SNTG2: variants seen among roughly 807,000 people sequenced by gnomAD.
SNTG2 encodes syntrophin gamma 2.
SNTG2 carries 74 observed loss-of-function variants against 70.9 expected under a neutral mutation model. The observed-to-expected ratio is 1.04, with a 90% CI of 0.86 to 1.27. The LOEUF (loss-of-function observed/expected upper bound fraction) is 1.27. Ranked by LOEUF, SNTG2 falls within the 50% of genes most tolerant of loss-of-function variation. The probability of loss-of-function intolerance (pLI) is 0.00; values close to 1 mark genes in which losing one functional copy is unlikely to be tolerated. For synonymous variants in SNTG2, 278 were observed against 273.8 expected (o/e 1.02, Z -0.15); for missense variants, 717 against 690.7 (o/e 1.04, Z -0.43).
At chr2:1,288,776 A>G (rs552370925) in intron 14 of SNTG2, among the ~76,000 whole-genome samples, 7 of 152,284 alleles carry the variant, frequency 4.6e-5, no homozygotes, top group East Asian at 1.9e-4. Flanking sequence ...ATGCACACTC[A>G]TGCACATTCA....
intron 11 of SNTG2, among the ~76,000 whole-genome samples, chr2:1,243,456 G>A (rs1319339371): frequency 6.6e-6 from 1 of 152,120 alleles, no homozygotes; most frequent in Non-Finnish European, 1.5e-5. Flanking sequence ...CCTTGATCAA[G>A]TTCTCCTCCA....
intron 1 of SNTG2, among the ~76,000 whole-genome samples, chr2:1,065,396 C>T (rs929936314): frequency 6.6e-6 from 1 of 152,122 alleles, no homozygotes; most frequent in Non-Finnish European, 1.5e-5. Context: ...TAATTGGAAT[C>T]GCCCCTGGCA....
At chr2:1,158,855 C>T (rs980080513) in intron 6 of SNTG2, among the ~76,000 whole-genome samples, 7 of 152,040 alleles carry the variant, frequency 4.6e-5, no homozygotes, top group South Asian at 2.1e-4. Flanking sequence ...CGGAGCACAC[C>T]GGAAGACAGG....
intron 4 of SNTG2, 46 bp from the exon 5 acceptor site, chr2:1,137,576 C>A: frequency 2.5e-6 from 4 of 1,599,728 alleles, no homozygotes; most frequent in Non-Finnish European, 3.4e-6. Flanking sequence ...CAAAGCATGT[C>A]ACTGAGATTT....
intron 1 of SNTG2, among the ~76,000 whole-genome samples, chr2:1,041,606 T>C (rs557417318): frequency 6.6e-6 from 1 of 152,272 alleles, no homozygotes; most frequent in Admixed American, 6.5e-5. Flanking sequence ...TCACGAGATC[T>C]GGTTGAGTAA....
At chr2:1,298,243 G>C (rs151115407) in intron 14 of SNTG2, among the ~76,000 whole-genome samples, 1 of 151,862 alleles carries the variant, frequency 6.6e-6, no homozygotes, top group Non-Finnish European at 1.5e-5. Flanking sequence ...AGAGAGTCTC[G>C]TGTCTCAACC....
intron 1 of SNTG2, among the ~76,000 whole-genome samples, chr2:997,189 A>C (rs1486379770): frequency 6.6e-6 from 1 of 152,232 alleles, no homozygotes; most frequent in Non-Finnish European, 1.5e-5. Flanking sequence ...GATATAGAGC[A>C]GAAGGATATG....
intron 14 of SNTG2, among the ~76,000 whole-genome samples, chr2:1,308,173 C>T (rs1680796971): frequency 6.6e-6 from 1 of 152,178 alleles, no homozygotes. Context: ...CAGTGGTTTA[C>T]TGTGTTTTCA....
At chr2:996,465 C>T (rs907384303) in intron 1 of SNTG2, among the ~76,000 whole-genome samples, 1 of 152,010 alleles carries the variant, frequency 6.6e-6, no homozygotes, top group African/African-American at 2.4e-5. Context: ...TAAACATAAA[C>T]ATTTCTTGTG....
rs115748860 is a variant in SNTG2 at position 1,135,435 on chromosome 2, C to G, written c.326-2187C>G. Among the ~76,000 whole-genome samples, 1,468 of 152,196 alleles carry G rather than the reference C, an allele frequency of 9.6e-3. 33 individuals carry two copies. Among genetic ancestry groups the G allele is most frequent in the African/African-American group, 0.033 (1,389 of 41,528 alleles). On this transcript the variant is annotated intron_variant, in intron 4 of 16. Coordinates refer to ENST00000308624, the MANE Select transcript of SNTG2 (RefSeq NM_018968.4). ...AGGTATCATTTTAAAAACACATTACCTCGGCCAGGCGTGGTGGCTCACGCC... is the reference window on the plus strand; with the variant it reads ...AGGTATCATTTTAAAAACACATTACGTCGGCCAGGCGTGGTGGCTCACGCC...
intron 11 of SNTG2, among the ~76,000 whole-genome samples, chr2:1,240,814 ATAT>A (rs1310972287): frequency 1.3e-5 from 2 of 151,976 alleles, no homozygotes; most frequent in African/African-American, 4.8e-5. Flanking sequence ...ATCTCTTTTA[ATAT>A]TATTCTAAAA....
At position 1,112,789 on chromosome 2, in the gene SNTG2, A is replaced by C. The variant is rs539477582; in HGVS notation, c.325+14379A>C. On this transcript the variant is annotated intron_variant, in intron 4 of 16. Transcript: ENST00000308624. ...TCCTTTGAGGAGGATCGTGTGTACT[A>C]AGTGAGGTTTAACCCTTGCAGTCGT... 1.7e-4 allele frequency among the ~76,000 whole-genome samples: 26 copies of C among 151,176 alleles called. 1 individual carries two copies. The South Asian group carries it at 4.2e-3, about 24-fold the overall frequency.
At chr2:1,266,381 C>T (rs1474368764) in intron 13 of SNTG2, among the ~76,000 whole-genome samples, 2 of 152,204 alleles carry the variant, frequency 1.3e-5, no homozygotes, top group Admixed American at 6.5e-5. Flanking sequence ...CCAGGCTGCT[C>T]CATGCAGCAC....
At chr2:1,332,347 T>C (rs1411085140) in intron 16 of SNTG2, among the ~76,000 whole-genome samples, 2 of 152,140 alleles carry the variant, frequency 1.3e-5, no homozygotes, top group Non-Finnish European at 2.9e-5. Context: ...CTATCAGACA[T>C]TCAAAGAAGA....
intron 6 of SNTG2, among the ~76,000 whole-genome samples, chr2:1,163,086 A>G (rs1274305180): frequency 6.6e-6 from 1 of 152,212 alleles, no homozygotes; most frequent in African/African-American, 2.4e-5. Flanking sequence ...AAGCCTCCCA[A>G]CTGGAAGTGG....
chr2:965,944 AGCTCCTCCCGGCTGCTCCCG>A (rs1000408853), intron 1 of SNTG2, among the ~76,000 whole-genome samples: 6 of 151,640 alleles, frequency 4.0e-5, no homozygotes, highest in Non-Finnish European at 8.8e-5. Flanking sequence ...GGCTGGGCCC[AGCTCCTCCCGGCTGCTCCCG>A]GCTCCTCCCA....
At chr2:1,186,079 C>A (rs1426757218) in intron 8 of SNTG2, among the ~76,000 whole-genome samples, 1 of 152,168 alleles carries the variant, frequency 6.6e-6, no homozygotes, top group African/African-American at 2.4e-5. Context: ...GAAATTTCTT[C>A]CACCAGATAC....
chr2:1,064,641 C>T (rs1300033870), intron 1 of SNTG2, among the ~76,000 whole-genome samples: 1 of 152,014 alleles, frequency 6.6e-6, no homozygotes, highest in East Asian at 1.9e-4. Flanking sequence ...CTTTTATTCT[C>T]AGCTAGAGAA....
chr2:1,167,149 A>G (rs115051948), intron 7 of SNTG2, among the ~76,000 whole-genome samples: 1,763 of 152,332 alleles, frequency 0.012, 30 homozygotes, highest in African/African-American at 0.04. Context: ...CAGACAGCAG[A>G]ACTGAAGCCT....
Sources: gnomAD v4.1 joint callset for allele counts (sites outside exome capture counted in the v4.1 genomes callset) on GRCh38, gnomAD v4.1.1 for gene constraint, MANE v1.5 for transcripts, NCBI Gene and HGNC (gene_info 2026-07-23, HGNC 2026-07-21) for gene names.